STON2: variants seen among roughly 807,000 people sequenced by gnomAD.
The protein encoded by STON2 is stonin 2.
STON2 carries 29 observed loss-of-function variants against 65.7 expected under a neutral mutation model. That is an observed-to-expected ratio of 0.44 (90% CI 0.33 to 0.60). The LOEUF (loss-of-function observed/expected upper bound fraction) is 0.60. STON2 is among the 20% of genes least tolerant of loss of function. STON2 has a pLI of 0.03. For missense variants in STON2, 1,054 were observed against 1,118.1 expected, an observed-to-expected ratio of 0.94 and a Z score of 0.82; for synonymous variants, 404 against 414.2, an observed-to-expected ratio of 0.98 and a Z score of 0.30.
At position 81,278,726 on chromosome 14, in the gene STON2, C is replaced by T. The variant is rs200186191; in HGVS notation, c.756G>A (p.Ser252=). 2.8e-4 allele frequency: 422 copies of T among 1,514,774 alleles called. No individual in the cohort carries two copies. The highest frequency in any genetic ancestry group is 3.5e-4 in the Non-Finnish European group (392 of 1,134,354). 93.8% of individuals were successfully genotyped at this position (1,514,774 alleles called of 1,614,324 possible). ...GASAPNDNSS[S]LQEDEEVEME... ...TCTCTACTTCTTCATCTTCTTGAAG[C>T]GAGGAGGAATTGTCTAAAAGGAAAA... The change falls in exon 6 of 8, where the codon TCG becomes TCA. Residue 252 remains serine, a synonymous_variant. Coordinates refer to ENST00000614646, the MANE Select transcript of STON2 (RefSeq NM_001394390.1).
chr14:81,423,588 C>T (rs1325489528), intron 2 of STON2, among the ~76,000 whole-genome samples: 2 of 152,184 alleles, frequency 1.3e-5, no homozygotes, highest in African/African-American at 2.4e-5. Flanking sequence ...TTCAGCAAAG[C>T]GGAGGATACG....
intron 4 of STON2, among the ~76,000 whole-genome samples, chr14:81,334,368 T>C (rs936723159): frequency 3.3e-5 from 5 of 152,236 alleles, no homozygotes; most frequent in Non-Finnish European, 7.3e-5. Context: ...TTCCATCACA[T>C]ACAATGGAGC....
chr14:81,268,832 G>GT (rs1894459326), intron 7 of STON2: 1 of 174,468 alleles, frequency 5.7e-6, no homozygotes, highest in Non-Finnish European at 1.1e-5. Flanking sequence ...TATTTCCACC[G>GT]TATCTTGCAC....
chr14:81,431,768 ACT>A (rs1334308872), intron 1 of STON2, among the ~76,000 whole-genome samples: 1 of 148,802 alleles, frequency 6.7e-6, no homozygotes, highest in African/African-American at 2.5e-5. Context: ...CAACAGCGAA[ACT>A]CTGTCTCAAA....
chr14:81,344,421 G>A (rs749422931), intron 4 of STON2, among the ~76,000 whole-genome samples: 2 of 152,100 alleles, frequency 1.3e-5, no homozygotes, highest in Non-Finnish European at 2.9e-5. Flanking sequence ...AAATTAAATA[G>A]AGGCCAATAC....
At chr14:81,373,646 G>A (rs777217678) in intron 3 of STON2, among the ~76,000 whole-genome samples, 25 of 152,158 alleles carry the variant, frequency 1.6e-4, no homozygotes, top group Non-Finnish European at 2.8e-4. Context: ...AGACTCTTGA[G>A]TTTTCCAAAT....
In STON2 at chr14:81,262,220, C is replaced by T; in HGVS notation, c.*6194G>A. ...CTTAACATAGTGATTGTCTCCATGG[C>T]TATGTCCTGTAAAGATTCACAGAAA... is the stretch of plus-strand genomic sequence containing the variant. On this transcript the variant is annotated 3_prime_UTR_variant, in exon 8 of 8. Transcript: ENST00000614646. 1.0e-6 allele frequency: 1 copy of T among 985,400 alleles called. No individual in the cohort carries two copies. Among genetic ancestry groups the T allele is most frequent in the Non-Finnish European group, 1.2e-6 (1 of 829,926 alleles). 61.0% of individuals were successfully genotyped at this position (985,400 alleles called of 1,614,324 possible).
At chr14:81,387,698 G>C (rs187770823) in intron 3 of STON2, among the ~76,000 whole-genome samples, 2 of 151,822 alleles carry the variant, frequency 1.3e-5, no homozygotes, top group East Asian at 4.0e-4. Context: ...TTCAAGACCA[G>C]TCTGGCCAAC....
At chr14:81,426,726 T>C (rs1272628942) in intron 2 of STON2, among the ~76,000 whole-genome samples, 1 of 152,196 alleles carries the variant, frequency 6.6e-6, no homozygotes, top group East Asian at 1.9e-4. Flanking sequence ...ACACAGTTTC[T>C]CTCATGTTCA....
At chr14:81,333,104 A>C in intron 4 of STON2, 1 of 999,178 alleles carries the variant, frequency 1.0e-6, no homozygotes, top group South Asian at 1.3e-5. Context: ...TTGGATTCAT[A>C]TTTCTTTGCA....
intron 1 of STON2, among the ~76,000 whole-genome samples, chr14:81,434,463 T>C (rs1902334048): frequency 6.6e-6 from 1 of 152,210 alleles, no homozygotes; most frequent in African/African-American, 2.4e-5. Context: ...CATCTGGAAG[T>C]GGGCTTCTTA....
At chr14:81,364,197 T>C (rs575909961) in intron 4 of STON2, among the ~76,000 whole-genome samples, 25 of 152,324 alleles carry the variant, frequency 1.6e-4, no homozygotes, top group Admixed American at 7.2e-4. Context: ...CCTACTGCTC[T>C]GGCAGGAGTC....
At chr14:81,288,059 G>T (rs1437659332) in intron 5 of STON2, among the ~76,000 whole-genome samples, 1 of 152,170 alleles carries the variant, frequency 6.6e-6, no homozygotes, top group Non-Finnish European at 1.5e-5. Context: ...TCAGTATTCT[G>T]CTTTATAAAT....
chr14:81,333,032 C>A, intron 4 of STON2: 1 of 595,010 alleles, frequency 1.7e-6, no homozygotes, highest in Non-Finnish European at 3.0e-6. Flanking sequence ...TTCTTGTGTC[C>A]CTCTTGTTGC....
At chr14:81,350,446 C>T (rs1456418112) in intron 4 of STON2, among the ~76,000 whole-genome samples, 1 of 150,864 alleles carries the variant, frequency 6.6e-6, no homozygotes, top group Non-Finnish European at 1.5e-5. Flanking sequence ...GAATTGAAAC[C>T]TTAAGAAAGG....
chr14:81,363,081 G>A (rs1270071693), intron 4 of STON2, among the ~76,000 whole-genome samples: 4 of 152,178 alleles, frequency 2.6e-5, no homozygotes, highest in African/African-American at 9.7e-5. Flanking sequence ...CAGTATACCA[G>A]GCACAGGGCA....
At chr14:81,393,008 A>G (rs1900151320) in intron 3 of STON2, among the ~76,000 whole-genome samples, 1 of 152,234 alleles carries the variant, frequency 6.6e-6, no homozygotes. Flanking sequence ...AGACGCCTTG[A>G]AAGGGTCTCA....
intron 1 of STON2, among the ~76,000 whole-genome samples, chr14:81,429,351 T>C (rs1360881744): frequency 1.3e-5 from 2 of 152,236 alleles, no homozygotes; most frequent in African/African-American, 4.8e-5. Context: ...CTTTCCAGGT[T>C]AGACTGCAAG....
Position 81,277,356 on chromosome 14 carries a change from T to A in STON2, c.2126A>T (p.Asp709Val), listed in dbSNP as rs1894881552. The change falls in exon 6 of 8, where the codon GAT (aspartate) becomes GTT (valine). Residue 709 changes from aspartate (D) to valine (V), a missense_variant. Transcript: ENST00000614646. ...LHECRFHGCV[D>V]EDVFHNSRVI... ...CCGTGAGTTGTGGAAAACATCCTCA[T>A]CCACACACCCATGGAAACGGCACTC... 1 of 1,614,156 alleles carries A rather than the reference T, an allele frequency of 6.2e-7. No individual in the cohort carries two copies. The highest frequency in any genetic ancestry group is 1.3e-5 in the African/African-American group (1 of 75,032).
Sources: allele counts gnomAD v4.1 joint callset (sites outside exome capture counted in the v4.1 genomes callset), GRCh38; gene constraint gnomAD v4.1.1; transcripts MANE v1.5; gene names NCBI Gene and HGNC (gene_info 2026-07-23, HGNC 2026-07-21).